Variants in GPC5 observed in about 807,000 individuals in gnomAD.
GPC5 encodes glypican-5.
In GPC5, 47 loss-of-function variants were observed where a neutral mutation model predicts 53.9. The ratio of observed to expected loss-of-function variants is 0.87; its 90% CI spans 0.69 to 1.11. The LOEUF (loss-of-function observed/expected upper bound fraction) is 1.11, where lower values mean the gene tolerates loss of function less well. GPC5 is among the 50% of genes most tolerant of loss of function. GPC5 has a pLI of 0.00. For synonymous variants in GPC5, 286 were observed against 263.3 expected (o/e 1.09, Z -0.84); for missense variants, 748 against 713.1 (o/e 1.05, Z -0.56).
rs1407930659 is a variant in GPC5 at position 91,571,973 on chromosome 13, GTA to G, written c.326-121208_326-121207del. ...TATACACACATATATGTATATATGT[GTA>G]TATATGTATATATGTGTATATGTGT... On this transcript the variant is annotated intron_variant, in intron 2 of 7. Transcript: ENST00000377067. Among the ~76,000 whole-genome samples, 3 of 136,124 alleles carry G rather than the reference GTA, an allele frequency of 2.2e-5. 1 individual carries two copies. Among genetic ancestry groups the G allele is most frequent in the African/African-American group, 9.1e-5 (3 of 32,928 alleles). 89.3% of individuals were successfully genotyped at this position (136,124 alleles called of 152,430 possible).
intron 2 of GPC5, among the ~76,000 whole-genome samples, chr13:91,483,083 G>A (rs914033635): frequency 6.6e-5 from 10 of 152,012 alleles, no homozygotes; most frequent in Non-Finnish European, 8.8e-5. Context: ...TAGTTTTCAC[G>A]TATATTTGTT....
intron 2 of GPC5, among the ~76,000 whole-genome samples, chr13:91,629,599 C>A (rs751942097): frequency 6.6e-6 from 1 of 152,028 alleles, no homozygotes. Context: ...GCAGAGATCA[C>A]GCTATTACAC....
chr13:92,165,254 C>T (rs2042018781), intron 7 of GPC5, among the ~76,000 whole-genome samples: 1 of 152,222 alleles, frequency 6.6e-6, no homozygotes, highest in East Asian at 1.9e-4. Context: ...ATTTTCTGAA[C>T]GTTTATGCTC....
intron 7 of GPC5, among the ~76,000 whole-genome samples, chr13:92,231,228 T>C (rs986098910): frequency 2.0e-5 from 3 of 152,232 alleles, no homozygotes; most frequent in Non-Finnish European, 4.4e-5. Flanking sequence ...CAATTTGATA[T>C]AATGTTTTGT....
At chr13:92,390,045 A>C (rs1041245011) in intron 7 of GPC5, among the ~76,000 whole-genome samples, 2 of 152,164 alleles carry the variant, frequency 1.3e-5, no homozygotes, top group African/African-American at 4.8e-5. Context: ...TGACTTCATT[A>C]GAATTTTGTC....
At chr13:91,699,035 C>G (rs933274231) in intron 3 of GPC5, among the ~76,000 whole-genome samples, 5 of 152,126 alleles carry the variant, frequency 3.3e-5, no homozygotes, top group African/African-American at 1.2e-4. Context: ...ACATCTCATT[C>G]TTAGGGTGAA....
rs1163950451 is a variant in GPC5 at position 92,842,943 on chromosome 13, A to G, written c.1562-23339A>G. The stretch of plus-strand genomic sequence containing the variant: ...GAAAACAATGACCTGGAAGGAAAAA[A>G]ATTAAACCAAATGAAACGACATAGA... On this transcript the variant is annotated intron_variant, in intron 7 of 7. Coordinates refer to ENST00000377067, the MANE Select transcript of GPC5 (RefSeq NM_004466.6). Among the ~76,000 whole-genome samples, 4 of 152,300 alleles carry G rather than the reference A, an allele frequency of 2.6e-5. No homozygotes were observed. The South Asian group carries it at 6.2e-4, about 24-fold the overall frequency.
chr13:92,186,484 T>C (rs979292541), intron 7 of GPC5, among the ~76,000 whole-genome samples: 12 of 151,950 alleles, frequency 7.9e-5, no homozygotes, highest in Non-Finnish European at 1.6e-4. Flanking sequence ...AATAAATAGG[T>C]TTCTATAATA....
intron 7 of GPC5, among the ~76,000 whole-genome samples, chr13:92,798,458 T>C (rs1005023548): frequency 6.6e-6 from 1 of 151,912 alleles, no homozygotes; most frequent in Admixed American, 6.6e-5. Context: ...AAATTAGATA[T>C]TCTTCATATT....
chr13:92,433,717 G>C (rs1877189711), intron 7 of GPC5, among the ~76,000 whole-genome samples: 1 of 152,180 alleles, frequency 6.6e-6, no homozygotes, highest in African/African-American at 2.4e-5. Context: ...AATTGACTAA[G>C]AGGTGAGTAG....
chr13:91,583,295 A>G (rs992010420), intron 2 of GPC5, among the ~76,000 whole-genome samples: 8 of 152,330 alleles, frequency 5.3e-5, no homozygotes, highest in African/African-American at 1.9e-4. Flanking sequence ...ATATGTTTAT[A>G]TATTCCATGA....
intron 7 of GPC5, among the ~76,000 whole-genome samples, chr13:92,776,363 C>T (rs983467749): frequency 6.6e-5 from 10 of 152,290 alleles, no homozygotes; most frequent in African/African-American, 2.4e-4. Flanking sequence ...TTTGCCTCCT[C>T]CTGCCTCTGA....
intron 7 of GPC5, among the ~76,000 whole-genome samples, chr13:92,356,095 C>T (rs1007281568): frequency 5.3e-5 from 8 of 152,106 alleles, no homozygotes; most frequent in African/African-American, 1.9e-4. Flanking sequence ...CTTCCCTGCT[C>T]GTTTCCAAAG....
intron 7 of GPC5, among the ~76,000 whole-genome samples, chr13:92,815,854 C>A (rs912818047): frequency 2.0e-5 from 3 of 151,924 alleles, no homozygotes; most frequent in Middle Eastern, 3.4e-3. Context: ...AGTTGAGCTG[C>A]CATTTTCTGA....
chr13:91,598,695 A>G (rs2033078981), intron 2 of GPC5, among the ~76,000 whole-genome samples: 1 of 152,044 alleles, frequency 6.6e-6, no homozygotes, highest in South Asian at 2.1e-4. Context: ...TCTAAATGTC[A>G]TATGACCCCA....
chr13:91,430,900 G>T (rs1476204807), intron 1 of GPC5, among the ~76,000 whole-genome samples: 2 of 152,048 alleles, frequency 1.3e-5, no homozygotes, highest in African/African-American at 4.8e-5. Context: ...ATTGAGACAG[G>T]GTCTCGCTGT....
At chr13:92,024,674 C>G (rs1161131349) in intron 6 of GPC5, among the ~76,000 whole-genome samples, 3 of 152,196 alleles carry the variant, frequency 2.0e-5, no homozygotes, top group African/African-American at 7.2e-5. Context: ...AGATGTTTAT[C>G]TACTTAAGTA....
At chr13:92,161,969 A>ATATATG (rs1305524892) in intron 7 of GPC5, among the ~76,000 whole-genome samples, 1 of 69,914 alleles carries the variant, frequency 1.4e-5, no homozygotes, top group Non-Finnish European at 3.1e-5. Context: ...ATATATATAT[A>ATATATG]TATATATATA....
At position 92,658,041 on chromosome 13, in the gene GPC5, G is replaced by T. The variant is rs537978354; in HGVS notation, c.1562-208241G>T. The stretch of plus-strand genomic sequence containing the variant: ...ATAATATCACAGAACTTTACTCTGT[G>T]TTTATTATACACTTACCCCAATTCT... On this transcript the variant is annotated intron_variant, in intron 7 of 7. Transcript: ENST00000377067. Among the ~76,000 whole-genome samples, 292 of 152,144 alleles carry T rather than the reference G, an allele frequency of 1.9e-3. 1 individual carries two copies. Among genetic ancestry groups the T allele is most frequent in the African/African-American group, 6.8e-3 (281 of 41,492 alleles).
Sources: allele counts gnomAD v4.1 joint callset (sites outside exome capture counted in the v4.1 genomes callset), GRCh38; gene constraint gnomAD v4.1.1; transcripts MANE v1.5; gene names NCBI Gene and HGNC (gene_info 2026-07-23, HGNC 2026-07-21).